Variants in NMNAT3 observed in about 807,000 individuals in gnomAD.
The protein encoded by NMNAT3 is nicotinamide/nicotinic acid mononucleotide adenylyltransferase 3.
NMNAT3 carries 21 observed loss-of-function variants against 24.8 expected under a neutral mutation model. The ratio of observed to expected loss-of-function variants is 0.85; its 90% CI spans 0.60 to 1.22. NMNAT3 has a LOEUF of 1.22. NMNAT3 is among the 50% of genes most tolerant of loss of function. The pLI is 0.00. For synonymous variants in NMNAT3, 136 were observed against 155.2 expected, an observed-to-expected ratio of 0.88 and a Z score of 0.92; for missense variants, 387 against 436.6, an observed-to-expected ratio of 0.89 and a Z score of 1.01.
Position 139,579,393 on chromosome 3 carries a change from C to A in NMNAT3, c.392-338G>T, listed in dbSNP as rs956363105. Among the ~76,000 whole-genome samples, 22 of 152,204 alleles carry A rather than the reference C, an allele frequency of 1.4e-4. 1 individual carries two copies. The highest frequency in any genetic ancestry group is 4.4e-5 in the Non-Finnish European group (3 of 68,036). On this transcript the variant is annotated intron_variant, in intron 4 of 6. Transcript: ENST00000643695. ...AGGATATAGTTGAGGAACAGCATGA[C>A]TTCCCCTTCTATAGGAATTAACAGG...
At chr3:139,620,907 C>T (rs1472662599) in intron 3 of NMNAT3, among the ~76,000 whole-genome samples, 1 of 152,162 alleles carries the variant, frequency 6.6e-6, no homozygotes, top group East Asian at 1.9e-4. Flanking sequence ...AATCCTCTTG[C>T]CTCAGCATCC....
At position 139,662,741 on chromosome 3, in the gene NMNAT3, C is replaced by T. The variant is rs577092161; in HGVS notation, c.-141+14964G>A. ...CACCCATTGGGCCATCTGGTGTCTT[C>T]TATTGGCCTCTTAGTAGTCCTGTGC... On this transcript the variant is annotated intron_variant, in intron 1 of 6. Coordinates refer to ENST00000643695, the MANE Select transcript of NMNAT3 (RefSeq NM_001320510.2). Among the ~76,000 whole-genome samples, 159 of 152,248 alleles carry T rather than the reference C, an allele frequency of 1.0e-3. 2 individuals carry two copies. The highest frequency in any genetic ancestry group is 9.0e-4 in the Non-Finnish European group (61 of 68,008).
At chr3:139,614,934 A>G (rs1454085681) in intron 3 of NMNAT3, among the ~76,000 whole-genome samples, 1 of 152,334 alleles carries the variant, frequency 6.6e-6, no homozygotes, top group South Asian at 2.1e-4. Flanking sequence ...TTCTGATTAC[A>G]CTATTCCTCC....
intron 6 of NMNAT3, among the ~76,000 whole-genome samples, chr3:139,573,057 G>A (rs149421530): frequency 6.6e-6 from 1 of 152,100 alleles, no homozygotes; most frequent in Non-Finnish European, 1.5e-5. Flanking sequence ...CAGCCAACAA[G>A]GTTTTCTCGA....
At chr3:139,579,402 C>G (rs536506973) in intron 4 of NMNAT3, among the ~76,000 whole-genome samples, 1 of 152,284 alleles carries the variant, frequency 6.6e-6, no homozygotes, top group South Asian at 2.1e-4. Flanking sequence ...ACTTCCCCTT[C>G]TATAGGAATT....
intron 5 of NMNAT3, 74 bp downstream of exon 5, chr3:139,578,798 A>T: frequency 2.9e-6 from 4 of 1,373,548 alleles, no homozygotes; most frequent in Non-Finnish European, 3.9e-6. Context: ...AATCTGCCCT[A>T]CCTTTTACCC....
At chr3:139,599,714 A>T (rs1168025695) in intron 3 of NMNAT3, among the ~76,000 whole-genome samples, 1 of 152,116 alleles carries the variant, frequency 6.6e-6, no homozygotes, top group Non-Finnish European at 1.5e-5. Context: ...TATTTTCCTT[A>T]TCAGTCTTCA....
chr3:139,668,260 G>C, intron 1 of NMNAT3, among the ~76,000 whole-genome samples: 1 of 152,210 alleles, frequency 6.6e-6, no homozygotes, highest in East Asian at 1.9e-4. Context: ...GACAGAGAAA[G>C]CCTGTAAGAT....
At chr3:139,633,931 A>C (rs1205702908) in intron 2 of NMNAT3, among the ~76,000 whole-genome samples, 1 of 152,182 alleles carries the variant, frequency 6.6e-6, no homozygotes, top group Non-Finnish European at 1.5e-5. Flanking sequence ...TGCATCCGCA[A>C]GTTTCAGGGA....
chr3:139,572,270 G>A, intron 6 of NMNAT3: 1 of 398,658 alleles, frequency 2.5e-6, no homozygotes, highest in South Asian at 1.3e-4. Flanking sequence ...GAAGGGAGAG[G>A]CTGATAATGA....
At chr3:139,612,666 C>G (rs1298100768) in intron 3 of NMNAT3, among the ~76,000 whole-genome samples, 1 of 152,180 alleles carries the variant, frequency 6.6e-6, no homozygotes, top group Non-Finnish European at 1.5e-5. Flanking sequence ...CTAGCAGTTG[C>G]TTTTCCACAG....
chr3:139,601,444 A>G (rs564591903), intron 3 of NMNAT3, among the ~76,000 whole-genome samples: 1 of 152,344 alleles, frequency 6.6e-6, no homozygotes, highest in East Asian at 1.9e-4. Context: ...TAAGACTCAA[A>G]TGACTAATAT....
chr3:139,634,440 A>G (rs2056423657), intron 2 of NMNAT3, 171 bp downstream of exon 3: 1 of 152,222 alleles, frequency 6.6e-6, no homozygotes, highest in Non-Finnish European at 1.5e-5. Context: ...CGTGGTTTGT[A>G]TGTGGGGCTG....
intron 5 of NMNAT3, chr3:139,576,123 T>G: frequency 8.2e-7 from 1 of 1,223,686 alleles, no homozygotes; most frequent in South Asian, 1.5e-5. Context: ...GTCACTATGA[T>G]GCAGATTCAC....
At chr3:139,611,791 C>A (rs1299970179) in intron 3 of NMNAT3, among the ~76,000 whole-genome samples, 1 of 152,206 alleles carries the variant, frequency 6.6e-6, no homozygotes, top group African/African-American at 2.4e-5. Flanking sequence ...GCTGACAGCA[C>A]ATCTGTGCCC....
intron 2 of NMNAT3, chr3:139,635,712 A>G (rs1271400518): frequency 6.6e-6 from 1 of 152,218 alleles, no homozygotes; most frequent in African/African-American, 2.4e-5. Flanking sequence ...AACAAGCATC[A>G]AGGACCTCTG....
chr3:139,676,227 C>T (rs1465960728), intron 1 of NMNAT3, among the ~76,000 whole-genome samples: 2 of 152,224 alleles, frequency 1.3e-5, no homozygotes, highest in East Asian at 3.8e-4. Flanking sequence ...GGAGCACTTT[C>T]TTTGTCTACA....
intron 3 of NMNAT3, among the ~76,000 whole-genome samples, chr3:139,622,421 T>A (rs1039339362): frequency 4.0e-5 from 6 of 150,088 alleles, no homozygotes; most frequent in African/African-American, 1.2e-4. Flanking sequence ...ACAGAAAAGG[T>A]ACAGTAAAAA....
intron 1 of NMNAT3, among the ~76,000 whole-genome samples, chr3:139,651,344 G>A (rs760097144): frequency 6.6e-6 from 1 of 152,046 alleles, no homozygotes; most frequent in Admixed American, 6.5e-5. Context: ...TCTGTATTAG[G>A]CCTTAGCTCA....
Sources: allele counts gnomAD v4.1 joint callset (sites outside exome capture counted in the v4.1 genomes callset), GRCh38; gene constraint gnomAD v4.1.1; transcripts MANE v1.5; gene names NCBI Gene and HGNC (gene_info 2026-07-23, HGNC 2026-07-21).